The following CACNB2 variants were observed in gnomAD, a reference collection of about 807,000 sequenced individuals.
CACNB2 encodes the protein calcium voltage-gated channel auxiliary subunit beta 2, also known as voltage-dependent L-type calcium channel subunit beta-2.
Under a neutral mutation model 73.3 loss-of-function variants are expected in CACNB2, and 42 were observed. The observed-to-expected ratio is 0.57, with a 90% CI of 0.45 to 0.74. CACNB2 has a LOEUF of 0.74. CACNB2 is among the 30% of genes least tolerant of loss of function. The pLI, the probability that CACNB2 is intolerant of heterozygous loss-of-function variation, is 0.00. For missense variants in CACNB2, 940 were observed against 853.0 expected (o/e 1.10, Z -1.27); for synonymous variants, 348 against 310.3 (o/e 1.12, Z -1.28).
Position 18,340,987 on chromosome 10 carries a change from C to T in CACNB2, c.214-60937C>T, listed in dbSNP as rs753309815. 2.1e-5 allele frequency: 34 copies of T among 1,613,808 alleles called. No homozygotes were observed. Among genetic ancestry groups the T allele is most frequent in the African/African-American group, 1.7e-4 (13 of 75,002 alleles). On this transcript the variant is annotated intron_variant, in intron 2 of 13. Transcript: ENST00000324631. Reference sequence around the variant, plus strand: ...ATACATTATTCCTGGGGTAAGCATACGGGAGAGAAGCCGGCCAGATGCACG... The same window carrying T: ...ATACATTATTCCTGGGGTAAGCATATGGGAGAGAAGCCGGCCAGATGCACG...
intron 2 of CACNB2, among the ~76,000 whole-genome samples, chr10:18,172,683 G>A (rs982752897): frequency 6.6e-6 from 1 of 152,062 alleles, no homozygotes; most frequent in South Asian, 2.1e-4. Flanking sequence ...CCTTCACTGC[G>A]AAAAGCCTAC....
At chr10:18,363,120 A>T (rs1341823580) in intron 2 of CACNB2, among the ~76,000 whole-genome samples, 1 of 152,164 alleles carries the variant, frequency 6.6e-6, no homozygotes, top group Non-Finnish European at 1.5e-5. Flanking sequence ...CACACATCTC[A>T]GAAGCTCCTA....
At chr10:18,539,089 A>G (rs879173883) in intron 13 of CACNB2, 141 bp from the exon 14 acceptor site, 45 of 1,047,464 alleles carry the variant, frequency 4.3e-5, no homozygotes, top group South Asian at 2.2e-4. Flanking sequence ...ACTGGATGTT[A>G]CCAAAGGGAT....
At chr10:18,348,540 G>A (rs758890546) in intron 2 of CACNB2, among the ~76,000 whole-genome samples, 10 of 152,124 alleles carry the variant, frequency 6.6e-5, no homozygotes, top group Non-Finnish European at 1.2e-4. Context: ...TTGAGACAGA[G>A]TCTTGCTCTG....
intron 3 of CACNB2, among the ~76,000 whole-genome samples, chr10:18,444,949 A>C (rs907635358): frequency 6.6e-6 from 1 of 152,204 alleles, no homozygotes; most frequent in Non-Finnish European, 1.5e-5. Flanking sequence ...TGGTTTTACC[A>C]TTTGTTTTCT....
At chr10:18,350,314 A>T (rs1170554553) in intron 2 of CACNB2, among the ~76,000 whole-genome samples, 6 of 152,230 alleles carry the variant, frequency 3.9e-5, no homozygotes, top group Non-Finnish European at 8.8e-5. Context: ...AAGTAGACAC[A>T]TGATCATCTC....
In CACNB2 at chr10:18,540,239, G is replaced by A. The variant is rs2053993381; in HGVS notation, c.*515G>A. On this transcript the variant is annotated 3_prime_UTR_variant, in exon 14 of 14. Transcript: ENST00000324631. ...TGCCTTACACAAAGGGGATCATAAAGTTAGAATCTATTTTCTATGTACTAG... is the reference window on the plus strand; with the variant it reads ...TGCCTTACACAAAGGGGATCATAAAATTAGAATCTATTTTCTATGTACTAG... 5.8e-6 allele frequency: 1 copy of A among 173,566 alleles called. No homozygotes were observed. The highest frequency in any genetic ancestry group is 1.3e-4 in the South Asian group (1 of 7,498). The allele number at this position is 173,566 out of a possible 1,614,324, so 10.8% of individuals were successfully genotyped here.
chr10:18,289,652 C>G (rs2038977991), intron 2 of CACNB2, among the ~76,000 whole-genome samples: 1 of 152,056 alleles, frequency 6.6e-6, no homozygotes, highest in African/African-American at 2.4e-5. Flanking sequence ...CCACAGAGAA[C>G]ATTTTCAGCA....
chr10:18,458,308 C>T (rs2047387617), intron 3 of CACNB2, among the ~76,000 whole-genome samples: 1 of 152,112 alleles, frequency 6.6e-6, no homozygotes, highest in African/African-American at 2.4e-5. Context: ...TTGTAAAAGT[C>T]TAGGAAATGT....
Position 18,444,238 on chromosome 10 carries a change from C to A in CACNB2, c.333+42195C>A, listed in dbSNP as rs185904126. ...GGATTAGTGCCCTTAGAAAAGAAGC[C>A]CCAGAGAGCTTCCTCATCCTTTCCA... On this transcript the variant is annotated intron_variant, in intron 3 of 13. Coordinates refer to ENST00000324631, the MANE Select transcript of CACNB2 (RefSeq NM_201596.3). 2.0e-3 allele frequency among the ~76,000 whole-genome samples: 308 copies of A among 152,034 alleles called. 1 individual carries two copies. The highest frequency in any genetic ancestry group is 3.7e-3 in the Non-Finnish European group (251 of 67,984).
chr10:18,159,163 T>C (rs1564303832), intron 2 of CACNB2, among the ~76,000 whole-genome samples: 1 of 152,036 alleles, frequency 6.6e-6, no homozygotes, highest in Non-Finnish European at 1.5e-5. Flanking sequence ...GCTAAGAGGA[T>C]GACTGCCAGC....
chr10:18,241,571 C>T (rs546312727), intron 2 of CACNB2, among the ~76,000 whole-genome samples: 381 of 150,540 alleles, frequency 2.5e-3, no homozygotes, highest in African/African-American at 8.8e-3. Context: ...TACCCCAGAA[C>T]TTGAAGTATA....
intron 10 of CACNB2, among the ~76,000 whole-genome samples, chr10:18,531,256 T>C (rs552132924): frequency 3.9e-5 from 6 of 152,054 alleles, no homozygotes; most frequent in Non-Finnish European, 8.8e-5. Flanking sequence ...ACTTCTGTTT[T>C]TTGTTTTTTA....
At chr10:18,339,886 CTG>C (rs1179894744) in intron 2 of CACNB2, among the ~76,000 whole-genome samples, 23 of 152,194 alleles carry the variant, frequency 1.5e-4, no homozygotes, top group African/African-American at 4.1e-4. Context: ...CTGAGCTTGA[CTG>C]TGGGCCATAG....
At chr10:18,248,977 C>T (rs1213079888) in intron 2 of CACNB2, among the ~76,000 whole-genome samples, 1 of 152,156 alleles carries the variant, frequency 6.6e-6, no homozygotes, top group Non-Finnish European at 1.5e-5. Flanking sequence ...CCACAAATAT[C>T]CACCTGCACT....
intron 2 of CACNB2, among the ~76,000 whole-genome samples, chr10:18,310,764 G>C (rs1389969946): frequency 6.6e-6 from 1 of 151,324 alleles, no homozygotes; most frequent in Non-Finnish European, 1.5e-5. Flanking sequence ...TGTATTTTTA[G>C]TATAGATGGG....
intron 3 of CACNB2, among the ~76,000 whole-genome samples, chr10:18,459,744 C>T (rs771524165): frequency 9.2e-5 from 14 of 152,188 alleles, no homozygotes; most frequent in Non-Finnish European, 1.5e-4. Flanking sequence ...CAGTGGCTCA[C>T]GCCTGTAATC....
intron 3 of CACNB2, among the ~76,000 whole-genome samples, chr10:18,445,285 G>A (rs576808217): frequency 3.9e-5 from 6 of 152,186 alleles, no homozygotes; most frequent in African/African-American, 1.4e-4. Flanking sequence ...TACTATGTCC[G>A]ATAGTTTATC....
rs573254623 is a variant in CACNB2 at position 18,523,066 on chromosome 10, C to G, written c.944+4098C>G. Among the ~76,000 whole-genome samples the G allele has an allele frequency of 5.3e-5, 8 of 151,966 alleles. No individual in the cohort carries two copies. The South Asian group carries it at 1.7e-3, about 32-fold the overall frequency. On this transcript the variant is annotated intron_variant, in intron 9 of 13. Transcript: ENST00000324631. Reference sequence around the variant, plus strand: ...TTCCATATCTTTAAGAAATATTTTTCAGTTTGTGACAGGAAATAGACCCTT... The same window carrying G: ...TTCCATATCTTTAAGAAATATTTTTGAGTTTGTGACAGGAAATAGACCCTT...
Sources: gnomAD v4.1 joint callset for allele counts (sites outside exome capture counted in the v4.1 genomes callset) on GRCh38, gnomAD v4.1.1 for gene constraint, MANE v1.5 for transcripts, NCBI Gene and HGNC (gene_info 2026-07-23, HGNC 2026-07-21) for gene names.